Variants in THSD7B observed in about 807,000 individuals in gnomAD.
THSD7B encodes the protein thrombospondin type 1 domain containing 7B.
A neutral mutation model predicts 213.6 loss-of-function variants in THSD7B; 138 were observed. The observed-to-expected ratio is 0.65, with a 90% confidence interval of 0.56 to 0.74. THSD7B has a LOEUF of 0.74. Ranked by LOEUF, THSD7B falls within the 30% of genes least tolerant of loss-of-function variation. The pLI, the probability that THSD7B is intolerant of heterozygous loss-of-function variation, is 0.00. For synonymous variants in THSD7B, 742 were observed against 687.0 expected (o/e 1.08, Z -1.25); for missense variants, 1,931 against 1,991.5 (o/e 0.97, Z 0.58).
intron 15 of THSD7B, among the ~76,000 whole-genome samples, chr2:137,535,298 GA>G (rs537312038): frequency 6.2e-5 from 9 of 145,148 alleles, no homozygotes; most frequent in South Asian, 2.2e-4. Context: ...GAACACATAT[GA>G]AAAAAAAAAG....
chr2:137,216,935 T>C (rs1197494120), intron 7 of THSD7B, among the ~76,000 whole-genome samples: 1 of 152,170 alleles, frequency 6.6e-6, no homozygotes, highest in African/African-American at 2.4e-5. Flanking sequence ...CTAAGAGATA[T>C]ATGTAATGCG....
intron 10 of THSD7B, among the ~76,000 whole-genome samples, chr2:137,259,633 G>A (rs1280199953): frequency 2.0e-5 from 3 of 151,936 alleles, no homozygotes; most frequent in African/African-American, 7.2e-5. Flanking sequence ...TCTGTATGTT[G>A]CCTGTTCAAT....
intron 12 of THSD7B, among the ~76,000 whole-genome samples, chr2:137,298,192 A>T (rs1367808068): frequency 2.6e-5 from 4 of 152,132 alleles, no homozygotes; most frequent in Non-Finnish European, 4.4e-5. Flanking sequence ...AATGGGAGCA[A>T]AGGTGACCCT....
chr2:136,773,241 C>T (rs544566211), intron 1 of THSD7B, among the ~76,000 whole-genome samples: 37 of 152,130 alleles, frequency 2.4e-4, no homozygotes, highest in South Asian at 1.0e-3. Context: ...CGCTACTCTA[C>T]GTGGATTAAC....
chr2:137,054,692 C>A (rs1342228850), intron 2 of THSD7B, among the ~76,000 whole-genome samples: 1 of 151,876 alleles, frequency 6.6e-6, no homozygotes, highest in Non-Finnish European at 1.5e-5. Context: ...TCATATGCCT[C>A]TTAGGGTCTG....
chr2:137,142,694 A>G lies in THSD7B; in HGVS notation c.1370-17519A>G, dbSNP rs538641899. On this transcript the variant is annotated intron_variant, in intron 5 of 27. Coordinates refer to ENST00000409968, the MANE Select transcript of THSD7B (RefSeq NM_001316349.2). The stretch of plus-strand genomic sequence containing the variant: ...TGTTATCACACTAGGTAGGAAATCT[A>G]TCACAACATTAGGTCATAGTATGTT... Among the ~76,000 whole-genome samples, 11 of 152,274 alleles carry G rather than the reference A, an allele frequency of 7.2e-5. No homozygotes were observed. The South Asian group carries it at 1.9e-3, about 26-fold the overall frequency.
At chr2:137,191,208 G>A (rs761022403) in intron 7 of THSD7B, among the ~76,000 whole-genome samples, 20 of 152,172 alleles carry the variant, frequency 1.3e-4, no homozygotes, top group African/African-American at 4.3e-4. Flanking sequence ...CATCAAGTAT[G>A]AATTCAACAA....
chr2:137,616,829 T>A (rs374375739), intron 18 of THSD7B, among the ~76,000 whole-genome samples: 5 of 152,312 alleles, frequency 3.3e-5, no homozygotes, highest in East Asian at 3.9e-4. Context: ...TGCTCAGTAA[T>A]TTTCCAGGCA....
chr2:137,021,922 G>T (rs1033665797), intron 2 of THSD7B, among the ~76,000 whole-genome samples: 2 of 152,174 alleles, frequency 1.3e-5, no homozygotes, highest in African/African-American at 4.8e-5. Context: ...ACAGAGATCA[G>T]CAGGGCTCAG....
intron 2 of THSD7B, among the ~76,000 whole-genome samples, chr2:136,975,105 T>C (rs146001893): frequency 6.6e-6 from 1 of 151,894 alleles, no homozygotes; most frequent in Non-Finnish European, 1.5e-5. Flanking sequence ...TAGACCTTTG[T>C]CAGATGGATA....
chr2:137,148,673 G>A (rs983568963), intron 5 of THSD7B, among the ~76,000 whole-genome samples: 1 of 152,148 alleles, frequency 6.6e-6, no homozygotes, highest in African/African-American at 2.4e-5. Context: ...CTGGAGTAAA[G>A]GTCACTTTTG....
chr2:137,080,138 A>C (rs1488973610), intron 3 of THSD7B, among the ~76,000 whole-genome samples: 1 of 149,086 alleles, frequency 6.7e-6, no homozygotes, highest in Non-Finnish European at 1.5e-5. Context: ...CACTGTGCCT[A>C]GTCTTGGCTT....
chr2:136,795,614 G>T (rs1682046492), intron 1 of THSD7B, among the ~76,000 whole-genome samples: 1 of 151,608 alleles, frequency 6.6e-6, no homozygotes, highest in Admixed American at 6.6e-5. Context: ...GACAATTTTT[G>T]TCTTTTAATT....
At chr2:137,034,521 C>T (rs1045211876) in intron 2 of THSD7B, among the ~76,000 whole-genome samples, 7 of 152,096 alleles carry the variant, frequency 4.6e-5, no homozygotes, top group African/African-American at 1.7e-4. Context: ...CACTTATTAA[C>T]CCGTCATCTA....
Position 137,056,762 on chromosome 2 carries a change from A to C in THSD7B, c.482A>C (p.His161Pro). The change falls in exon 3 of 28, where the codon CAC (histidine) becomes CCC (proline). Residue 161 changes from histidine (H) to proline (P), a missense_variant. His to Pro is a moderately conservative substitution (Grantham distance 77). Coordinates refer to ENST00000409968, the MANE Select transcript of THSD7B (RefSeq NM_001316349.2). ...RTVVANEICE[H>P]FALQPPTEQA... is the part of the protein sequence containing the mutation. Reference sequence around the variant, plus strand: ...GTGGTTGCAAATGAAATATGCGAACACTTTGCCCTTCAGCCTCCTACAGAA... The same window carrying C: ...GTGGTTGCAAATGAAATATGCGAACCCTTTGCCCTTCAGCCTCCTACAGAA... The C allele has an allele frequency of 6.2e-7, 1 of 1,613,954 alleles. No homozygotes were observed. Among genetic ancestry groups the C allele is most frequent in the Non-Finnish European group, 8.5e-7 (1 of 1,179,896 alleles).
chr2:137,033,221 C>T (rs760786535), intron 2 of THSD7B, among the ~76,000 whole-genome samples: 2 of 152,154 alleles, frequency 1.3e-5, no homozygotes, highest in Non-Finnish European at 2.9e-5. Flanking sequence ...TGTTCTAGGC[C>T]GAACTTGCTC....
intron 15 of THSD7B, among the ~76,000 whole-genome samples, chr2:137,542,201 A>G (rs1680622997): frequency 6.6e-6 from 1 of 151,706 alleles, no homozygotes; most frequent in Admixed American, 6.6e-5. Flanking sequence ...GACAGCAGCA[A>G]AACAGAAGTG....
intron 15 of THSD7B, among the ~76,000 whole-genome samples, chr2:137,492,928 T>C (rs1161052241): frequency 6.6e-6 from 1 of 151,788 alleles, no homozygotes; most frequent in African/African-American, 2.4e-5. Context: ...AAGATCAGCC[T>C]GGCCAACATG....
intron 12 of THSD7B, among the ~76,000 whole-genome samples, chr2:137,339,288 T>C (rs868107440): frequency 1.3e-5 from 2 of 151,688 alleles, no homozygotes; most frequent in Non-Finnish European, 1.5e-5. Context: ...TGGAGCCAGG[T>C]GTGTTTGTGG....
Sources: gnomAD v4.1 joint callset for allele counts (sites outside exome capture counted in the v4.1 genomes callset) on GRCh38, gnomAD v4.1.1 for gene constraint, MANE v1.5 for transcripts, NCBI Gene and HGNC (gene_info 2026-07-23, HGNC 2026-07-21) for gene names.